Variants in FAR2 observed in about 807,000 individuals in gnomAD.
The protein encoded by FAR2 is fatty acyl-CoA reductase 2.
Under a neutral mutation model 56.0 loss-of-function variants are expected in FAR2, and 19 were observed. That is an observed-to-expected ratio of 0.34 (90% confidence interval 0.24 to 0.50). FAR2 has a LOEUF of 0.50. Among genes scored for constraint, FAR2 ranks in the 20% least tolerant of loss-of-function variants. The pLI, the probability that FAR2 is intolerant of heterozygous loss-of-function variation, is 0.98. For missense variants in FAR2, 508 were observed against 642.2 expected, an observed-to-expected ratio of 0.79 and a Z score of 2.26; for synonymous variants, 219 against 218.8, an observed-to-expected ratio of 1.00 and a Z score of -0.01.
chr12:29,269,179 T>A (rs1003769474), intron 1 of FAR2, among the ~76,000 whole-genome samples: 1 of 151,872 alleles, frequency 6.6e-6, no homozygotes, highest in African/African-American at 2.4e-5. Context: ...ACCCCTAGAG[T>A]CTTGACCATA....
At chr12:29,301,449 T>C (rs188133917) in intron 4 of FAR2, among the ~76,000 whole-genome samples, 1 of 152,318 alleles carries the variant, frequency 6.6e-6, no homozygotes, top group Admixed American at 6.5e-5. Context: ...GAATAACAGC[T>C]TATGTAGAAT....
intron 2 of FAR2, among the ~76,000 whole-genome samples, chr12:29,284,780 C>T (rs1948842367): frequency 6.6e-6 from 1 of 152,152 alleles, no homozygotes; most frequent in South Asian, 2.1e-4. Flanking sequence ...TAGAAAACAT[C>T]TTCAAAGAAA....
At chr12:29,170,638 T>G (rs191615074) in intron 1 of FAR2, among the ~76,000 whole-genome samples, 1 of 152,136 alleles carries the variant, frequency 6.6e-6, no homozygotes, top group Admixed American at 6.5e-5. Context: ...ACTTTCTGTC[T>G]CTCTCTTTCT....
chr12:29,168,416 G>C (rs1949851634), intron 1 of FAR2, among the ~76,000 whole-genome samples: 1 of 152,168 alleles, frequency 6.6e-6, no homozygotes, highest in African/African-American at 2.4e-5. Flanking sequence ...ATCCTCATTT[G>C]GTGCATGTTC....
rs1052583 is a variant in FAR2 at position 29,333,812 on chromosome 12, T to C, written c.*18T>C. On this transcript the variant is annotated 3_prime_UTR_variant, in exon 12 of 12. Coordinates refer to ENST00000536681, the MANE Select transcript of FAR2 (RefSeq NM_001271783.2). The stretch of plus-strand genomic sequence containing the variant: ...AAGTTTAAGAGCATTTAGCCATCGC[T>C]TTTTATCTGGAACCTCTCAGATACC... The C allele has an allele frequency of 0.46, 735,498 of 1,607,556 alleles. 170,557 individuals are homozygous for C. Among genetic ancestry groups the C allele is most frequent in the East Asian group, 0.56 (25,136 of 44,766 alleles).
intron 10 of FAR2, among the ~76,000 whole-genome samples, chr12:29,331,185 C>T (rs1309551850): frequency 2.0e-5 from 3 of 148,316 alleles, no homozygotes; most frequent in Non-Finnish European, 3.0e-5. Context: ...TTTCACTGTA[C>T]GTGAAACTCT....
chr12:29,317,962 T>C (rs1949482566), intron 9 of FAR2: 2 of 152,636 alleles, frequency 1.3e-5, no homozygotes, highest in Non-Finnish European at 2.9e-5. Context: ...GGGAACACAG[T>C]GTGCTGATGC....
intron 6 of FAR2, among the ~76,000 whole-genome samples, chr12:29,310,666 T>C (rs1949331845): frequency 6.6e-6 from 1 of 152,194 alleles, no homozygotes; most frequent in African/African-American, 2.4e-5. Context: ...GGAAAATTAA[T>C]GGGAAATTTG....
intron 10 of FAR2, among the ~76,000 whole-genome samples, chr12:29,329,354 C>T (rs748368199): frequency 6.6e-6 from 1 of 152,150 alleles, no homozygotes; most frequent in Non-Finnish European, 1.5e-5. Context: ...AGCTTGGTTT[C>T]ATTTCTGACA....
At chr12:29,202,600 G>A (rs746764739) in intron 1 of FAR2, among the ~76,000 whole-genome samples, 1 of 152,180 alleles carries the variant, frequency 6.6e-6, no homozygotes, top group African/African-American at 2.4e-5. Context: ...GGTAAGAGGT[G>A]TTTGGGTCAT....
chr12:29,216,275 C>T (rs548848051), intron 1 of FAR2, among the ~76,000 whole-genome samples: 26 of 152,308 alleles, frequency 1.7e-4, no homozygotes, highest in African/African-American at 4.6e-4. Flanking sequence ...TTATTTACAA[C>T]GTCCCACCCA....
chr12:29,177,910 A>G (rs7315584), intron 1 of FAR2, among the ~76,000 whole-genome samples: 6,015 of 152,280 alleles, frequency 0.039, 356 homozygotes, highest in African/African-American at 0.13. Context: ...AAGGCAAATT[A>G]CCATTATGGG....
At chr12:29,294,113 A>G (rs7134187) in intron 3 of FAR2, among the ~76,000 whole-genome samples, 82,685 of 152,046 alleles carry the variant, frequency 0.54, 22,967 homozygotes, top group East Asian at 0.65. Flanking sequence ...TCATTTTTAC[A>G]GTCACAAAAT....
chr12:29,223,096 A>T (rs1055984882), intron 1 of FAR2, among the ~76,000 whole-genome samples: 1 of 152,194 alleles, frequency 6.6e-6, no homozygotes. Context: ...CCAACAGTCT[A>T]TTGGGAGGTA....
At chr12:29,298,760 G>C (rs1046558762) in intron 4 of FAR2, among the ~76,000 whole-genome samples, 24 of 152,130 alleles carry the variant, frequency 1.6e-4, no homozygotes, top group African/African-American at 5.8e-4. Context: ...TTGTCTCTTG[G>C]TAAATGTGAT....
intron 1 of FAR2, among the ~76,000 whole-genome samples, chr12:29,152,039 AAGT>A (rs1949685376): frequency 6.6e-6 from 1 of 152,304 alleles, no homozygotes; most frequent in East Asian, 1.9e-4. Flanking sequence ...ATAAAACAAA[AAGT>A]AGGCAAGTAT....
intron 1 of FAR2, among the ~76,000 whole-genome samples, chr12:29,222,818 A>G (rs1366246150): frequency 6.6e-6 from 1 of 152,158 alleles, no homozygotes; most frequent in East Asian, 1.9e-4. Flanking sequence ...TTAGAATGCT[A>G]TATGTACTTT....
At chr12:29,215,915 GC>G (rs1255608534) in intron 1 of FAR2, among the ~76,000 whole-genome samples, 1 of 152,052 alleles carries the variant, frequency 6.6e-6, no homozygotes, top group East Asian at 1.9e-4. Flanking sequence ...TATAACCATG[GC>G]CCTATGAATC....
intron 1 of FAR2, among the ~76,000 whole-genome samples, chr12:29,224,536 A>ACATTC (rs574786087): frequency 3.0e-4 from 45 of 152,352 alleles, no homozygotes; most frequent in Non-Finnish European, 5.3e-4. Context: ...CAGAGATTAT[A>ACATTC]CATTCCATCT....
Sources: allele counts gnomAD v4.1 joint callset (sites outside exome capture counted in the v4.1 genomes callset), GRCh38; gene constraint gnomAD v4.1.1; transcripts MANE v1.5; gene names NCBI Gene and HGNC (gene_info 2026-07-23, HGNC 2026-07-21).